EML1: variants seen among roughly 807,000 people sequenced by gnomAD.
EML1 encodes the protein echinoderm microtubule-associated protein-like 1.
Under a neutral mutation model 110.4 loss-of-function variants are expected in EML1, and 27 were observed. The observed-to-expected ratio is 0.24, with a 90% confidence interval of 0.18 to 0.34. EML1 has a LOEUF of 0.34. Among genes scored for constraint, EML1 ranks in the 10% least tolerant of loss-of-function variants. EML1 has a pLI of 1.00. For synonymous variants in EML1, 344 were observed against 385.8 expected (o/e 0.89, Z 1.27); for missense variants, 741 against 1,030.9 (o/e 0.72, Z 3.85).
At chr14:99,876,646 G>A (rs528795121) in intron 3 of EML1, among the ~76,000 whole-genome samples, 15 of 152,204 alleles carry the variant, frequency 9.9e-5, no homozygotes, top group African/African-American at 1.9e-4. Context: ...GCTGTCTCGC[G>A]TGTTGCAGGC....
intron 4 of EML1, among the ~76,000 whole-genome samples, chr14:99,890,938 G>A (rs1210778539): frequency 1.3e-5 from 2 of 152,002 alleles, no homozygotes; most frequent in African/African-American, 2.4e-5. Context: ...TTTCCTCCCC[G>A]AAACACTTAC....
At chr14:99,877,827 T>C (rs1355603015) in intron 3 of EML1, among the ~76,000 whole-genome samples, 2 of 152,152 alleles carry the variant, frequency 1.3e-5, no homozygotes, top group Non-Finnish European at 2.9e-5. Flanking sequence ...ACCCCGGGTC[T>C]CCACCCACTA....
chr14:99,866,484 C>T (rs980945972), intron 3 of EML1, among the ~76,000 whole-genome samples: 3 of 147,786 alleles, frequency 2.0e-5, no homozygotes, highest in East Asian at 2.0e-4. Context: ...GCAGGAGAAT[C>T]GCTTGAACCT....
At chr14:99,907,806 C>T in intron 10 of EML1, 73 bp downstream of exon 10, 1 of 1,464,772 alleles carries the variant, frequency 6.8e-7, no homozygotes, top group East Asian at 2.3e-5. Flanking sequence ...AGTGGTAGCC[C>T]CCTTTCAGCG....
chr14:99,777,662 C>A (rs1202993255), intron 1 of EML1, among the ~76,000 whole-genome samples: 2 of 152,142 alleles, frequency 1.3e-5, no homozygotes, highest in Non-Finnish European at 2.9e-5. Flanking sequence ...TCAAGCAATC[C>A]GCCCGCCTCA....
At chr14:99,811,916 A>G (rs2058087349) in intron 1 of EML1, among the ~76,000 whole-genome samples, 1 of 151,890 alleles carries the variant, frequency 6.6e-6, no homozygotes, top group African/African-American at 2.4e-5. Flanking sequence ...GATCATCACA[A>G]AGGTCTTCAA....
chr14:99,931,350 A>C (rs998500275), intron 17 of EML1, among the ~76,000 whole-genome samples: 1 of 151,820 alleles, frequency 6.6e-6, no homozygotes, highest in African/African-American at 2.4e-5. Context: ...TGCTGTACAC[A>C]AATTACTAAG....
chr14:99,919,584 G>A (rs1041886607), intron 16 of EML1, among the ~76,000 whole-genome samples: 2 of 151,096 alleles, frequency 1.3e-5, no homozygotes, highest in Admixed American at 6.6e-5. Flanking sequence ...GTGTGTGTAG[G>A]ACACGGTGAC....
At chr14:99,901,175 G>C (rs1158604947) in intron 9 of EML1, 136 bp downstream of exon 9, 10 of 712,944 alleles carry the variant, frequency 1.4e-5, no homozygotes, top group Admixed American at 9.5e-5. Flanking sequence ...AAACATTCCT[G>C]CTTCCCAGAA....
chr14:99,767,321 TGGCCG>T (rs2057377379), intron 1 of EML1, among the ~76,000 whole-genome samples: 5 of 152,150 alleles, frequency 3.3e-5, no homozygotes. Context: ...AAAACGGCAT[TGGCCG>T]GGCACGGTGG....
At chr14:99,860,585 A>T (rs933098790) in intron 2 of EML1, among the ~76,000 whole-genome samples, 9 of 152,162 alleles carry the variant, frequency 5.9e-5, no homozygotes, top group African/African-American at 2.2e-4. Flanking sequence ...ATTTTTATAC[A>T]TGGTAATGTG....
chr14:99,759,158 C>A lies in EML1; in HGVS notation c.28+21298C>A, dbSNP rs550247354. 5.9e-5 allele frequency among the ~76,000 whole-genome samples: 9 copies of A among 152,248 alleles called. No individual in the cohort carries two copies. In the South Asian group the frequency reaches 1.7e-3, roughly 28 times the overall value. ...CACTGGGCTGGTAGTCAGGGTGGGACCTGGTTTTAGCAAGAAGGAGAGGGA... is the reference window on the plus strand; with the variant it reads ...CACTGGGCTGGTAGTCAGGGTGGGAACTGGTTTTAGCAAGAAGGAGAGGGA... On this transcript the variant is annotated intron_variant, in intron 1 of 10. Coordinates refer to the EML1 transcript ENST00000554479.
chr14:99,907,212 C>T (rs2059864923), intron 9 of EML1: 1 of 159,428 alleles, frequency 6.3e-6, no homozygotes, highest in South Asian at 1.9e-4. Flanking sequence ...CACCTTCTAA[C>T]CAGCACTTTA....
intron 1 of EML1, among the ~76,000 whole-genome samples, chr14:99,821,023 CTTTTTTTTT>C (rs869159128): frequency 7.5e-6 from 1 of 133,874 alleles, no homozygotes; most frequent in African/African-American, 2.8e-5. Flanking sequence ...CTTACATTTA[CTTTTTTTTT>C]TTTTTTTTTT....
At chr14:99,801,657 C>G (rs1212568666) in intron 1 of EML1, among the ~76,000 whole-genome samples, 2 of 152,066 alleles carry the variant, frequency 1.3e-5, no homozygotes, top group African/African-American at 4.8e-5. Flanking sequence ...ATTTTAGACT[C>G]TTCTACCCAC....
At chr14:99,921,622 G>C (rs576118460) in intron 17 of EML1, among the ~76,000 whole-genome samples, 56 of 152,258 alleles carry the variant, frequency 3.7e-4, no homozygotes, top group African/African-American at 1.3e-3. Flanking sequence ...CCAGTTTCCT[G>C]CGTCTGGAGC....
At chr14:99,883,050 C>T (rs1207200500) in intron 4 of EML1, among the ~76,000 whole-genome samples, 1 of 152,096 alleles carries the variant, frequency 6.6e-6, no homozygotes, top group Non-Finnish European at 1.5e-5. Context: ...TTTTCCTTTA[C>T]GATAGCATCA....
At chr14:99,774,476 C>A (rs1394344065) in intron 1 of EML1, among the ~76,000 whole-genome samples, 1 of 152,162 alleles carries the variant, frequency 6.6e-6, no homozygotes, top group East Asian at 1.9e-4. Context: ...CCGAGTGTAC[C>A]CTTTTTCCTT....
At position 99,747,501 on chromosome 14, in the gene EML1, G is replaced by T. The variant is rs891384605; in HGVS notation, c.28+9641G>T. Among the ~76,000 whole-genome samples, 56 of 152,166 alleles carry T rather than the reference G, an allele frequency of 3.7e-4. 4 individuals are homozygous for T. Among genetic ancestry groups the T allele is most frequent in the Non-Finnish European group, 4.4e-5 (3 of 68,014 alleles). ...GGGCCACCTCGGTTGCCCAGTTGGG[G>T]GGTGGCATGTTGGGTAGACAGTGGA... On this transcript the variant is annotated intron_variant, in intron 1 of 10. Coordinates refer to the EML1 transcript ENST00000554479.
Sources: gnomAD v4.1 joint callset for allele counts (sites outside exome capture counted in the v4.1 genomes callset) on GRCh38, gnomAD v4.1.1 for gene constraint, MANE v1.5 for transcripts, NCBI Gene and HGNC (gene_info 2026-07-23, HGNC 2026-07-21) for gene names.